Variants in TJP1 observed in about 807,000 individuals in gnomAD.
TJP1 encodes tight junction protein ZO-1.
In TJP1, 43 loss-of-function variants were observed where a neutral mutation model predicts 194.2. The observed-to-expected ratio is 0.22, with a 90% CI of 0.17 to 0.29. The LOEUF is 0.29. TJP1 is among the 10% of genes least tolerant of loss of function. The probability of loss-of-function intolerance (pLI) is 1.00; values close to 1 mark genes in which losing one functional copy is unlikely to be tolerated. For missense variants in TJP1, 1,971 were observed against 2,185.7 expected, an observed-to-expected ratio of 0.90 and a Z score of 1.96; for synonymous variants, 801 against 779.0, an observed-to-expected ratio of 1.03 and a Z score of -0.47.
chr15:29,856,776 A>G (rs1567138426), intron 2 of TJP1, among the ~76,000 whole-genome samples: 2 of 151,788 alleles, frequency 1.3e-5, no homozygotes, highest in African/African-American at 2.4e-5. Context: ...GATCGAGACC[A>G]TCCTGGCTAA....
At chr15:29,949,562 TCCACTTCCACAACCA>T (rs1596310786) in intron 2 of TJP1, among the ~76,000 whole-genome samples, 5 of 15,070 alleles carry the variant, frequency 3.3e-4, no homozygotes, top group African/African-American at 4.8e-4. Context: ...AACCACCACC[TCCACTTCCACAACCA>T]CCACCTCCAC....
intron 1 of TJP1, among the ~76,000 whole-genome samples, chr15:29,813,716 C>G (rs1228977412): frequency 1.3e-5 from 2 of 152,104 alleles, no homozygotes; most frequent in African/African-American, 4.8e-5. Flanking sequence ...GGATATGACC[C>G]AGAAAAGGCA....
At chr15:29,712,910 T>C (rs1360071117) in intron 23 of TJP1, among the ~76,000 whole-genome samples, 1 of 151,044 alleles carries the variant, frequency 6.6e-6, no homozygotes, top group Non-Finnish European at 1.5e-5. Flanking sequence ...GGGAGGGGAA[T>C]GGTAAATGGA....
chr15:29,822,364 C>T lies in TJP1; in HGVS notation c.-336G>A, dbSNP rs1314841974. ...GTCAGCAGCACCCGTGGCCTCCCGG[C>T]GTCTCCTCGGAAGCCGGCTTCGCCA... On this transcript the variant is annotated 5_prime_UTR_variant, in exon 1 of 28. Transcript: ENST00000614355. 5 of 1,036,152 alleles carry T rather than the reference C, an allele frequency of 4.8e-6. No individual in the cohort carries two copies. In the South Asian group the frequency reaches 1.8e-4, roughly 38 times the overall value. 64.2% of individuals were successfully genotyped at this position (1,036,152 alleles called of 1,614,324 possible). A position where few individuals can be genotyped will look rare whatever the true frequency, so the allele number is the denominator to read the frequency against.
At chr15:29,771,251 T>C (rs2046652119) in intron 4 of TJP1, among the ~76,000 whole-genome samples, 1 of 152,184 alleles carries the variant, frequency 6.6e-6, no homozygotes, top group Non-Finnish European at 1.5e-5. Context: ...CCAGATGGTA[T>C]AGCCTACTAC....
At chr15:29,863,167 G>A (rs910830980) in intron 2 of TJP1, among the ~76,000 whole-genome samples, 2 of 151,938 alleles carry the variant, frequency 1.3e-5, no homozygotes, top group African/African-American at 2.4e-5. Context: ...GTGGTGGCAG[G>A]CACCTGTAAT....
chr15:29,967,435 C>G (rs1333183619), intron 1 of TJP1, among the ~76,000 whole-genome samples: 4 of 151,738 alleles, frequency 2.6e-5, no homozygotes, highest in Non-Finnish European at 5.9e-5. Flanking sequence ...TATTATTAAG[C>G]CAAGCACAGT....
At chr15:29,846,221 C>G (rs1206586339) in intron 2 of TJP1, among the ~76,000 whole-genome samples, 2 of 152,268 alleles carry the variant, frequency 1.3e-5, no homozygotes, top group African/African-American at 4.8e-5. Flanking sequence ...CTTAATATGG[C>G]CTACAGCTCC....
chr15:29,940,202 CT>C (rs960496106), intron 2 of TJP1, among the ~76,000 whole-genome samples: 3 of 152,162 alleles, frequency 2.0e-5, no homozygotes, highest in Admixed American at 2.0e-4. Context: ...ACTTCTCCAC[CT>C]GCCATAGGAA....
chr15:29,889,747 C>T (rs1351758395), intron 2 of TJP1, among the ~76,000 whole-genome samples: 1 of 152,226 alleles, frequency 6.6e-6, no homozygotes, highest in Non-Finnish European at 1.5e-5. Context: ...CCACTTTTAG[C>T]TGGCACTGAG....
At chr15:29,751,193 G>A (rs2045254163) in intron 8 of TJP1, among the ~76,000 whole-genome samples, 1 of 152,194 alleles carries the variant, frequency 6.6e-6, no homozygotes, top group Non-Finnish European at 1.5e-5. Context: ...CTGGTACTTG[G>A]GAACAAAAGG....
chr15:29,756,597 A>G (rs1001757363), intron 8 of TJP1, among the ~76,000 whole-genome samples: 1 of 152,214 alleles, frequency 6.6e-6, no homozygotes, highest in Admixed American at 6.5e-5. Context: ...ATGAAGAACA[A>G]GCTTGTGTGT....
At position 29,965,186 on chromosome 15, in the gene TJP1, C is replaced by CATTTATTTATTT. The variant is rs58512547; in HGVS notation, c.173+3469_173+3480dup. ...GACCAGTTTTCATAATACATCCTCA[C>CATTTATTTATTT]ATTTATTTATTTATTTATTTATTTA... On this transcript the variant is annotated intron_variant, in intron 1 of 28. Coordinates refer to the TJP1 transcript ENST00000356107. Among the ~76,000 whole-genome samples the CATTTATTTATTT allele has an allele frequency of 6.7e-3, 1,001 of 148,398 alleles. 2 individuals carry two copies. Among genetic ancestry groups the CATTTATTTATTT allele is most frequent in the South Asian group, 0.012 (55 of 4,568 alleles).
chr15:29,704,108 A>C, intron 27 of TJP1, 54 bp downstream of exon 27: 1 of 1,527,558 alleles, frequency 6.5e-7, no homozygotes. Flanking sequence ...CAGCCCAGGT[A>C]TTAATCAACG....
At position 29,966,956 on chromosome 15, in the gene TJP1, T is replaced by C. The variant is rs897940866; in HGVS notation, c.173+1711A>G. The stretch of plus-strand genomic sequence containing the variant: ...AACATCTCCCACGGACATGTTTTAA[T>C]TGAACTGTGGCTAACCTTGTCTTCT... On this transcript the variant is annotated intron_variant, in intron 1 of 28. Transcript: ENST00000356107. 3.3e-5 allele frequency among the ~76,000 whole-genome samples: 5 copies of C among 152,288 alleles called. No homozygotes were observed. In the South Asian group the frequency reaches 8.3e-4, roughly 25 times the overall value.
intron 2 of TJP1, among the ~76,000 whole-genome samples, chr15:29,880,051 T>G (rs2052868697): frequency 6.6e-6 from 1 of 152,228 alleles, no homozygotes; most frequent in Admixed American, 6.5e-5. Context: ...TACAATTAAT[T>G]TTAAAATTAT....
chr15:29,808,887 G>A (rs1054512070), intron 1 of TJP1, among the ~76,000 whole-genome samples: 2 of 152,110 alleles, frequency 1.3e-5, no homozygotes, highest in African/African-American at 2.4e-5. Context: ...CCCTGGGACC[G>A]AATGCCACTT....
chr15:29,841,866 C>T (rs909734185), intron 2 of TJP1, among the ~76,000 whole-genome samples: 1 of 152,142 alleles, frequency 6.6e-6, no homozygotes, highest in African/African-American at 2.4e-5. Flanking sequence ...CTTCCAATAT[C>T]TTGTATGTAC....
intron 2 of TJP1, among the ~76,000 whole-genome samples, chr15:29,926,748 A>G (rs1172755542): frequency 6.6e-6 from 1 of 152,158 alleles, no homozygotes; most frequent in Non-Finnish European, 1.5e-5. Context: ...ATTGTAAGGA[A>G]TATTTTCAAG....
Sources: allele counts gnomAD v4.1 joint callset (sites outside exome capture counted in the v4.1 genomes callset), GRCh38; gene constraint gnomAD v4.1.1; transcripts MANE v1.5; gene names NCBI Gene and HGNC (gene_info 2026-07-23, HGNC 2026-07-21).